ABTB2: variants seen among roughly 807,000 people sequenced by gnomAD.
ABTB2 encodes the protein ankyrin repeat and BTB/POZ domain-containing protein 2.
In ABTB2, 56 loss-of-function variants were observed where a neutral mutation model predicts 104.1. That is an observed-to-expected ratio of 0.54 (90% CI 0.43 to 0.67). The LOEUF is 0.67. Among genes scored for constraint, ABTB2 ranks in the 30% least tolerant of loss-of-function variants. The pLI is 0.00. For missense variants in ABTB2, 1,279 were observed against 1,407.7 expected, an observed-to-expected ratio of 0.91 and a Z score of 1.46; for synonymous variants, 606 against 608.2, an observed-to-expected ratio of 1.00 and a Z score of 0.05.
At chr11:34,190,368 A>G (rs1157602312) in intron 3 of ABTB2, among the ~76,000 whole-genome samples, 1 of 151,246 alleles carries the variant, frequency 6.6e-6, no homozygotes, top group East Asian at 2.0e-4. Flanking sequence ...GAATCCAGGC[A>G]GACTTCAGAG....
chr11:34,188,172 C>A (rs1170754039), intron 3 of ABTB2, among the ~76,000 whole-genome samples: 1 of 152,316 alleles, frequency 6.6e-6, no homozygotes, highest in Non-Finnish European at 1.5e-5. Flanking sequence ...CAAAGTCACA[C>A]AGCTAGGAAA....
intron 1 of ABTB2, among the ~76,000 whole-genome samples, chr11:34,234,639 G>C (rs1452784106): frequency 6.6e-6 from 1 of 152,168 alleles, no homozygotes; most frequent in Non-Finnish European, 1.5e-5. Context: ...AAAGTGCTTT[G>C]TGCGGAATCT....
chr11:34,321,078 A>G (rs1854995727), intron 1 of ABTB2, among the ~76,000 whole-genome samples: 1 of 152,202 alleles, frequency 6.6e-6, no homozygotes, highest in Non-Finnish European at 1.5e-5. Context: ...GCTACTCGGG[A>G]GGCTGAGGTG....
chr11:34,292,120 T>C (rs1256583063), intron 1 of ABTB2, among the ~76,000 whole-genome samples: 3 of 152,112 alleles, frequency 2.0e-5, no homozygotes, highest in South Asian at 4.1e-4. Flanking sequence ...GTCAAGCATA[T>C]AGTGTATTTC....
At chr11:34,311,526 G>C (rs1019546962) in intron 1 of ABTB2, among the ~76,000 whole-genome samples, 3 of 152,184 alleles carry the variant, frequency 2.0e-5, no homozygotes, top group African/African-American at 7.2e-5. Context: ...AAGGCAGAGC[G>C]CCTCACGTAA....
At chr11:34,331,342 C>T (rs367810949) in intron 1 of ABTB2, among the ~76,000 whole-genome samples, 35 of 152,256 alleles carry the variant, frequency 2.3e-4, no homozygotes, top group African/African-American at 6.5e-4. Flanking sequence ...GACCATAAAA[C>T]GCAAGGAGTA....
At chr11:34,181,598 C>T (rs1853027864) in intron 3 of ABTB2, among the ~76,000 whole-genome samples, 1 of 152,236 alleles carries the variant, frequency 6.6e-6, no homozygotes, top group Non-Finnish European at 1.5e-5. Flanking sequence ...ACCCTGGACA[C>T]ACCCACAAGC....
At chr11:34,315,905 G>A (rs1854923204) in intron 1 of ABTB2, among the ~76,000 whole-genome samples, 2 of 152,146 alleles carry the variant, frequency 1.3e-5, no homozygotes, top group African/African-American at 2.4e-5. Context: ...GAAACCTGAG[G>A]TGGCTTAGCA....
intron 1 of ABTB2, among the ~76,000 whole-genome samples, chr11:34,320,660 C>G (rs1272106584): frequency 6.6e-6 from 1 of 152,216 alleles, no homozygotes; most frequent in African/African-American, 2.4e-5. Context: ...ACCCCACAGG[C>G]AGGCATATGG....
At chr11:34,178,246 G>T (rs1270615343) in intron 3 of ABTB2, among the ~76,000 whole-genome samples, 2 of 152,128 alleles carry the variant, frequency 1.3e-5, no homozygotes, top group Admixed American at 1.3e-4. Flanking sequence ...GATCCCTTCA[G>T]GCCTTACTCC....
chr11:34,166,111 C>T (rs1852797148), intron 7 of ABTB2, among the ~76,000 whole-genome samples: 1 of 152,248 alleles, frequency 6.6e-6, no homozygotes. Context: ...TTTCCACCTT[C>T]CCTGACCAGC....
intron 1 of ABTB2, among the ~76,000 whole-genome samples, chr11:34,219,084 C>A (rs977890308): frequency 5.3e-5 from 8 of 151,948 alleles, no homozygotes; most frequent in Non-Finnish European, 1.0e-4. Flanking sequence ...GTGAGTAAGA[C>A]CCAGTTTTCT....
chr11:34,159,147 A>T (rs1852672087), intron 14 of ABTB2, 149 bp downstream of exon 14: 2 of 648,428 alleles, frequency 3.1e-6, no homozygotes, highest in East Asian at 5.5e-5. Context: ...CTGCACAGGG[A>T]AAGACCTGGA....
In ABTB2 at chr11:34,188,629, G is replaced by T. The variant is rs138743003; in HGVS notation, c.1244+8696C>A. Among the ~76,000 whole-genome samples, 3 of 152,256 alleles carry T rather than the reference G, an allele frequency of 2.0e-5. No individual in the cohort carries two copies. In the East Asian group the frequency reaches 5.8e-4, roughly 29 times the overall value. On this transcript the variant is annotated intron_variant, in intron 3 of 16. Coordinates refer to ENST00000435224, the MANE Select transcript of ABTB2 (RefSeq NM_145804.3). ...AGATGGAAATTTAATGCACAAAAAG[G>T]GGGAGAGGAAAGGAGAGAAAAGAGC... is the stretch of plus-strand genomic sequence containing the variant.
At chr11:34,160,605 C>CTG (rs372500990) in intron 11 of ABTB2, among the ~76,000 whole-genome samples, 12 of 140,348 alleles carry the variant, frequency 8.6e-5, no homozygotes, top group South Asian at 7.3e-4. Context: ...AGTCTGGGTG[C>CTG]TGTGTGTGTG....
intron 1 of ABTB2, among the ~76,000 whole-genome samples, chr11:34,351,030 G>A (rs764657957): frequency 2.0e-5 from 3 of 152,182 alleles, no homozygotes; most frequent in Non-Finnish European, 2.9e-5. Flanking sequence ...AGCTGCATAA[G>A]AGTAGAAATA....
intron 1 of ABTB2, among the ~76,000 whole-genome samples, chr11:34,309,078 C>G (rs879938881): frequency 3.3e-5 from 5 of 152,158 alleles, no homozygotes; most frequent in South Asian, 2.1e-4. Context: ...AGATTTACTA[C>G]GAAGCCAAAG....
At chr11:34,210,852 G>C (rs1026912170) in intron 1 of ABTB2, among the ~76,000 whole-genome samples, 3 of 152,246 alleles carry the variant, frequency 2.0e-5, no homozygotes, top group African/African-American at 7.2e-5. Flanking sequence ...GGAAGCTTGG[G>C]TGGGGTGCAA....
chr11:34,345,226 C>T (rs373283950), intron 1 of ABTB2, among the ~76,000 whole-genome samples: 13 of 152,330 alleles, frequency 8.5e-5, no homozygotes, highest in African/African-American at 1.2e-4. Flanking sequence ...CTGCTACACT[C>T]GCCCCAGCCG....
Sources: gnomAD v4.1 joint callset for allele counts (sites outside exome capture counted in the v4.1 genomes callset) on GRCh38, gnomAD v4.1.1 for gene constraint, MANE v1.5 for transcripts, NCBI Gene and HGNC (gene_info 2026-07-23, HGNC 2026-07-21) for gene names.